S1PR2: variants seen among roughly 807,000 people sequenced by gnomAD.
S1PR2 encodes sphingosine-1-phosphate receptor 2.
A neutral mutation model predicts 16.1 loss-of-function variants in S1PR2; 9 were observed. That is an observed-to-expected ratio of 0.56 (90% CI 0.34 to 0.98). The LOEUF is 0.98. Ranked by LOEUF, S1PR2 falls within the 50% of genes least tolerant of loss-of-function variation. The pLI, the probability that S1PR2 is intolerant of heterozygous loss-of-function variation, is 0.02. For missense variants in S1PR2, 361 were observed against 488.4 expected (o/e 0.74, Z 2.46); for synonymous variants, 224 against 233.9 (o/e 0.96, Z 0.38).
chr19:10,227,668 T>C (rs558807902), intron 1 of S1PR2, among the ~76,000 whole-genome samples: 1 of 152,334 alleles, frequency 6.6e-6, no homozygotes, highest in Admixed American at 6.5e-5. Context: ...GCAATTTGCC[T>C]ATTGGCCCGG....
Position 10,223,008 on chromosome 19 carries a change from A to T in S1PR2, c.*836T>A, listed in dbSNP as rs2039602790. 1 of 149,698 alleles carries T rather than the reference A, an allele frequency of 6.7e-6. No individual in the cohort carries two copies. Among genetic ancestry groups the T allele is most frequent in the Non-Finnish European group, 1.5e-5 (1 of 67,600 alleles). 9.3% of individuals were successfully genotyped at this position (149,698 alleles called of 1,614,324 possible). ...CCCCGTCTCTACTAAAAATACAAAA[A>T]AAAAAAAAATTACCTGGGCGTGGTG... On this transcript the variant is annotated 3_prime_UTR_variant, in exon 2 of 2. Transcript: ENST00000646641.
intron 1 of S1PR2, among the ~76,000 whole-genome samples, chr19:10,228,007 GA>G (rs1163429857): frequency 2.0e-5 from 3 of 151,992 alleles, no homozygotes; most frequent in African/African-American, 7.2e-5. Flanking sequence ...GGATAAATAA[GA>G]AATGTGTTTA....
intron 1 of S1PR2, among the ~76,000 whole-genome samples, chr19:10,227,728 C>T (rs986571082): frequency 3.9e-5 from 6 of 152,214 alleles, no homozygotes; most frequent in Admixed American, 3.9e-4. Flanking sequence ...GCTCTACGGC[C>T]AGCCCTACCG....
At chr19:10,230,649 G>A (rs2039668779) in intron 1 of S1PR2, among the ~76,000 whole-genome samples, 1 of 152,234 alleles carries the variant, frequency 6.6e-6, no homozygotes, top group Admixed American at 6.5e-5. Context: ...GTTGAAAGAG[G>A]AGGCGTCTGA....
rs1274048806 is a variant in S1PR2 at position 10,224,757 on chromosome 19, T to C, written c.149A>G (p.Glu50Gly). The C allele has an allele frequency of 6.2e-7, 1 of 1,614,236 alleles. No individual in the cohort carries two copies. Among genetic ancestry groups the C allele is most frequent in the East Asian group, 2.2e-5 (1 of 44,882 alleles). Reference protein sequence around the residue: ...IVILCCAIVVENLLVLIAVAR... With the variant: ...IVILCCAIVVGNLLVLIAVAR... ...CACCGCAATGAGCACCAGAAGGTTT[T>C]CCACCACAATGGCGCAACAGAGGAT... Residue 50 changes from glutamate to glycine, a missense_variant, in exon 2 of 2, where the codon GAA becomes GGA. Transcript: ENST00000646641.
rs969556090 is a variant in S1PR2 at position 10,224,964 on chromosome 19, C to G, written c.-42-17G>C. The G allele has an allele frequency of 3.1e-5, 42 of 1,369,682 alleles. No homozygotes were observed. The South Asian group carries it at 5.1e-4, about 17-fold the overall frequency. The allele number at this position is 1,369,682 out of a possible 1,614,324, so 84.8% of individuals were successfully genotyped here. A position where few individuals can be genotyped will look rare whatever the true frequency, so the allele number is the denominator to read the frequency against. On this transcript the variant is annotated splice_polypyrimidine_tract_variant and intron_variant, in intron 1 of 1. Coordinates refer to ENST00000646641, the MANE Select transcript of S1PR2 (RefSeq NM_004230.4). ...CTTTCAGAACTGCAGAGAAGACAGA[C>G]AGACAGACAGACAATAGGTCAGAGC...
rs1479235502 is a variant in S1PR2, at chr19:10,222,351, G to A, written c.*1493C>T. 6.6e-6 allele frequency: 1 copy of A among 152,258 alleles called. No individual in the cohort carries two copies. Among genetic ancestry groups the A allele is most frequent in the African/African-American group, 2.4e-5 (1 of 41,414 alleles). 9.4% of individuals were successfully genotyped at this position (152,258 alleles called of 1,614,324 possible). On this transcript the variant is annotated 3_prime_UTR_variant, in exon 2 of 2. Transcript: ENST00000646641. Reference sequence around the variant, plus strand: ...AAAGAAGACACAGAGAAGGCTCAAGGCTTCTCTCTGCCTTGCTCAGGAGAC... The same window carrying A: ...AAAGAAGACACAGAGAAGGCTCAAGACTTCTCTCTGCCTTGCTCAGGAGAC...
intron 1 of S1PR2, 58 bp downstream of exon 1, chr19:10,231,146 C>G (rs1394384927): frequency 6.5e-6 from 1 of 152,672 alleles, no homozygotes; most frequent in East Asian, 1.9e-4. Context: ...GCTCGGATCC[C>G]GAGACCTCAG....
chr19:10,228,463 A>T (rs1192217249), intron 1 of S1PR2, among the ~76,000 whole-genome samples: 1 of 152,186 alleles, frequency 6.6e-6, no homozygotes, highest in African/African-American at 2.4e-5. Flanking sequence ...GCATTCACAG[A>T]GGGAGAAGCA....
chr19:10,226,979 C>T (rs1255094034), intron 1 of S1PR2, among the ~76,000 whole-genome samples: 1 of 151,598 alleles, frequency 6.6e-6, no homozygotes, highest in Admixed American at 6.6e-5. Flanking sequence ...CCCTCTACCC[C>T]CTCCCATCCC....
At chr19:10,230,666 C>A (rs2039669115) in intron 1 of S1PR2, among the ~76,000 whole-genome samples, 1 of 152,234 alleles carries the variant, frequency 6.6e-6, no homozygotes. Context: ...CTGAGCCACG[C>A]AGTCACTTTC....
At position 10,224,018 on chromosome 19, in the gene S1PR2, C is replaced by T; in HGVS notation, c.888G>A (p.Arg296=). Residue 296 remains arginine, a synonymous_variant, in exon 2 of 2, where the codon CGG becomes CGA. Coordinates refer to ENST00000646641, the MANE Select transcript of S1PR2 (RefSeq NM_004230.4). The part of the protein sequence containing the change: ...VIYTWRSRDL[R]REVLRPLQCW... The stretch of plus-strand genomic sequence containing the variant: ...ACTGCAGCGGCCGAAGCACCTCCCG[C>T]CGCAGGTCCCGGCTGCGCCACGTGT... The T allele has an allele frequency of 6.2e-7, 1 of 1,612,334 alleles. No individual in the cohort carries two copies. The highest frequency in any genetic ancestry group is 2.2e-5 in the East Asian group (1 of 44,868).
In S1PR2 at chr19:10,222,862, G is replaced by A. The variant is rs1447774689; in HGVS notation, c.*982C>T. The stretch of plus-strand genomic sequence containing the variant: ...AGGACTAGGGGCCAGGGAAGAAAAT[G>A]CAGAAATTCTTTGTACCGCCAGGTG... On this transcript the variant is annotated 3_prime_UTR_variant, in exon 2 of 2. Transcript: ENST00000646641. 1 of 152,170 alleles carries A rather than the reference G, an allele frequency of 6.6e-6. No homozygotes were observed. The highest frequency in any genetic ancestry group is 2.4e-5 in the African/African-American group (1 of 41,416). The allele number at this position is 152,170 out of a possible 1,614,324, so 9.4% of individuals were successfully genotyped here.
intron 1 of S1PR2, among the ~76,000 whole-genome samples, chr19:10,228,309 TCAAAACAAAA>T (rs140658666): frequency 0.14 from 20,867 of 151,576 alleles, 1,535 homozygotes; most frequent in Middle Eastern, 0.19. Flanking sequence ...CGAGACTGTC[TCAAAACAAAA>T]CAAAACAAAA....
intron 1 of S1PR2, among the ~76,000 whole-genome samples, chr19:10,230,881 A>C (rs2039672217): frequency 1.4e-5 from 2 of 147,598 alleles, no homozygotes; most frequent in African/African-American, 2.5e-5. Flanking sequence ...CCCCAAACAC[A>C]CTCCCCAAGA....
intron 1 of S1PR2, among the ~76,000 whole-genome samples, chr19:10,225,390 A>ATTTTTTTTT (rs35464657): frequency 2.5e-5 from 2 of 80,576 alleles, no homozygotes; most frequent in African/African-American, 5.5e-5. Context: ...CGCCTGGCTA[A>ATTTTTTTTT]TTTTTTTTTT....
intron 1 of S1PR2, among the ~76,000 whole-genome samples, chr19:10,225,925 T>C (rs2039631708): frequency 6.6e-6 from 1 of 151,852 alleles, no homozygotes. Context: ...CTCACAGTTG[T>C]CTCTACTCCT....
In S1PR2 at chr19:10,224,672, G is replaced by C. The variant is rs757513633; in HGVS notation, c.234C>G (p.Ser78=). The C allele has an allele frequency of 1.9e-6, 3 of 1,614,162 alleles. No individual in the cohort carries two copies. Among genetic ancestry groups the C allele is most frequent in the Non-Finnish European group, 2.5e-6 (3 of 1,180,046 alleles). The change falls in exon 2 of 2, where the codon TCC becomes TCG. Residue 78 remains serine (S), a synonymous_variant. Coordinates refer to ENST00000646641, the MANE Select transcript of S1PR2 (RefSeq NM_004230.4). ...MYLFLGNLAA[S]DLLAGVAFVA... ...CGAAGGCCACGCCTGCCAGTAGATCGGAGGCGGCCAGGTTGCCCAGAAACA... is the reference window on the plus strand; with the variant it reads ...CGAAGGCCACGCCTGCCAGTAGATCCGAGGCGGCCAGGTTGCCCAGAAACA...
chr19:10,230,205 T>G (rs2039662362), intron 1 of S1PR2, among the ~76,000 whole-genome samples: 1 of 152,262 alleles, frequency 6.6e-6, no homozygotes. Context: ...ACTCTCGGCC[T>G]CCTTATCTGG....
Sources: gnomAD v4.1 joint callset for allele counts (sites outside exome capture counted in the v4.1 genomes callset) on GRCh38, gnomAD v4.1.1 for gene constraint, MANE v1.5 for transcripts, NCBI Gene and HGNC (gene_info 2026-07-23, HGNC 2026-07-21) for gene names.